Variants in HESX1 observed in about 807,000 individuals in gnomAD.
HESX1 encodes HESX homeobox 1.
In HESX1, 11 loss-of-function variants were observed where a neutral mutation model predicts 22.5. The ratio of observed to expected loss-of-function variants is 0.49; its 90% CI spans 0.31 to 0.81. The LOEUF (loss-of-function observed/expected upper bound fraction) is 0.81, where lower values mean the gene tolerates loss of function less well. HESX1 is among the 30% of genes least tolerant of loss of function. HESX1 has a pLI of 0.05. For synonymous variants in HESX1, 74 were observed against 76.5 expected (o/e 0.97, Z 0.17); for missense variants, 201 against 212.6 (o/e 0.95, Z 0.34).
chr3:57,211,544 A>AAAAAAAAAAAAAAAAAC, intron 1 of HESX1, among the ~76,000 whole-genome samples: 2 of 146,134 alleles, frequency 1.4e-5, no homozygotes, highest in Non-Finnish European at 3.0e-5. Context: ...AAAAAAAAAA[A>AAAAAAAAAAAAAAAAAC]AAAAAAAGCC....
At chr3:57,219,763 CA>C (rs1424072015) in intron 1 of HESX1, among the ~76,000 whole-genome samples, 2 of 152,108 alleles carry the variant, frequency 1.3e-5, no homozygotes, top group Non-Finnish European at 2.9e-5. Flanking sequence ...GCATAGTTTC[CA>C]AAAATTTTCT....
intron 1 of HESX1, among the ~76,000 whole-genome samples, chr3:57,225,885 T>C (rs949105743): frequency 1.3e-5 from 2 of 149,560 alleles, no homozygotes; most frequent in Non-Finnish European, 3.0e-5. Context: ...TCTTTTCTTT[T>C]TTTTTTTTTT....
At chr3:57,216,760 T>C (rs1203763377) in intron 1 of HESX1, among the ~76,000 whole-genome samples, 2 of 152,238 alleles carry the variant, frequency 1.3e-5, no homozygotes, top group Admixed American at 1.3e-4. Context: ...ACTGGTGATA[T>C]TTAATTTTGA....
At chr3:57,213,228 A>G (rs2060566059) in intron 1 of HESX1, among the ~76,000 whole-genome samples, 1 of 152,202 alleles carries the variant, frequency 6.6e-6, no homozygotes, top group Non-Finnish European at 1.5e-5. Flanking sequence ...TCCTCTACAT[A>G]CATGTTAGCA....
At chr3:57,203,961 C>A (rs940243438), upstream of HESX1, among the ~76,000 whole-genome samples, 1 of 152,094 alleles carries the variant, frequency 6.6e-6, no homozygotes, top group Non-Finnish European at 1.5e-5. Context: ...GCCCAGCCCC[C>A]TCTTGTGCTT....
chr3:57,204,202 A>C (rs1356250158), upstream of HESX1, among the ~76,000 whole-genome samples: 2 of 152,046 alleles, frequency 1.3e-5, no homozygotes, highest in African/African-American at 4.8e-5. Context: ...ATGTTTTTTT[A>C]GAGATAGGAT....
chr3:57,221,183 T>C (rs1012633475), intron 1 of HESX1, among the ~76,000 whole-genome samples: 1 of 151,776 alleles, frequency 6.6e-6, no homozygotes, highest in Non-Finnish European at 1.5e-5. Context: ...AGACAAGGCC[T>C]TGCTCTGTCA....
At chr3:57,224,224 TCCA>T (rs2060630403) in intron 1 of HESX1, among the ~76,000 whole-genome samples, 1 of 152,178 alleles carries the variant, frequency 6.6e-6, no homozygotes, top group Non-Finnish European at 1.5e-5. Flanking sequence ...CCTCAGGTGA[TCCA>T]CCCGCCTCGG....
At chr3:57,204,171 C>T (rs561303105), upstream of HESX1, among the ~76,000 whole-genome samples, 7 of 152,156 alleles carry the variant, frequency 4.6e-5, no homozygotes, top group East Asian at 1.4e-3. Context: ...GAAGTTTTTT[C>T]TTTTCTTTTT....
chr3:57,198,807 T>C lies in HESX1; in HGVS notation c.303A>G (p.Arg101=), dbSNP rs1176438608. The C allele has an allele frequency of 2.5e-6, 4 of 1,614,060 alleles. No homozygotes were observed. Among genetic ancestry groups the C allele is most frequent in the East Asian group, 2.2e-5 (1 of 44,886 alleles). Residue 101 remains arginine, a synonymous_variant, in exon 2 of 4, where the codon AGA becomes AGG. Coordinates refer to ENST00000295934, the MANE Select transcript of HESX1 (RefSeq NM_003865.3). ...FSASERLSLK[R]ELSWYRGRRP... ...TTCGGCCTCTATACCAACTCAACTC[T>C]CTTTTCAAAGACAGTCTTTCTGAGG...
chr3:57,219,897 A>T (rs944317683), intron 1 of HESX1, among the ~76,000 whole-genome samples: 6 of 152,148 alleles, frequency 3.9e-5, no homozygotes. Flanking sequence ...TGGCATTTTC[A>T]TCATGAAATC....
intron 1 of HESX1, among the ~76,000 whole-genome samples, chr3:57,216,415 A>C (rs1488088631): frequency 6.6e-6 from 1 of 152,134 alleles, no homozygotes; most frequent in East Asian, 1.9e-4. Flanking sequence ...CAGCAGTTAG[A>C]GATCAGCCTG....
At chr3:57,200,566 G>A (rs776355129), upstream of HESX1, among the ~76,000 whole-genome samples, 10 of 152,224 alleles carry the variant, frequency 6.6e-5, no homozygotes, top group Non-Finnish European at 1.2e-4. Context: ...TTAACATGGA[G>A]TGTAATTGTC....
chr3:57,208,323 A>T (rs976275862), intron 1 of HESX1, among the ~76,000 whole-genome samples: 3 of 150,580 alleles, frequency 2.0e-5, no homozygotes, highest in Non-Finnish European at 3.0e-5. Flanking sequence ...AGAGTTTAAG[A>T]GGGAAGTATA....
Position 57,198,424 on chromosome 3 carries a change from A to G in HESX1, c.426T>C (p.Ala142=). The G allele has an allele frequency of 6.2e-7, 1 of 1,607,720 alleles. No homozygotes were observed. The highest frequency in any genetic ancestry group is 8.5e-7 in the Non-Finnish European group (1 of 1,174,528). ...TGTCTTCCTCTAGATTCAATTTTTG[A>G]GCTAAGTCTTCTCTAATATCGATAC... is the stretch of plus-strand genomic sequence containing the variant. ...YPGIDIREDL[A]QKLNLEEDRI... is the part of the protein sequence containing the mutation. Residue 142 remains alanine, a synonymous_variant, in exon 3 of 4, where the codon GCT becomes GCC. Transcript: ENST00000295934.
chr3:57,216,591 A>G (rs940959890), intron 1 of HESX1, among the ~76,000 whole-genome samples: 1 of 152,234 alleles, frequency 6.6e-6, no homozygotes, highest in African/African-American at 2.4e-5. Flanking sequence ...AGGCTAGGTG[A>G]GAGTGAGACT....
rs1241838600 is a variant in HESX1, at chr3:57,198,279, C to T, written c.476G>A (p.Arg159Gln). The T allele has an allele frequency of 5.0e-6, 8 of 1,612,648 alleles. No individual in the cohort carries two copies. Among genetic ancestry groups the T allele is most frequent in the African/African-American group, 1.3e-5 (1 of 74,756 alleles). ...ATGGGACCTTTTCAGTTTTGCACGC[C>T]GATTTTGAAACCAAATCTAAAGTTA... ...EDRIQIWFQNRRAKLKRSHRE... is the reference protein window; with the variant it reads ...EDRIQIWFQNQRAKLKRSHRE... The change falls in exon 4 of 4, where the codon CGG becomes CAG. Residue 159 changes from arginine to glutamine, a missense_variant. Arg to Gln is a conservative substitution (Grantham distance 43). Transcript: ENST00000295934.
intron 1 of HESX1, among the ~76,000 whole-genome samples, chr3:57,220,925 T>C (rs1278768557): frequency 6.6e-6 from 1 of 152,218 alleles, no homozygotes; most frequent in Non-Finnish European, 1.5e-5. Context: ...TGGCTTGCTC[T>C]TCTCCTGTCA....
intron 1 of HESX1, among the ~76,000 whole-genome samples, chr3:57,209,178 T>C (rs74932820): frequency 0.039 from 5,884 of 152,266 alleles, 389 homozygotes; most frequent in African/African-American, 0.13. Context: ...GAAATGTTGC[T>C]AGTGCAACTG....
Sources: allele counts gnomAD v4.1 joint callset (sites outside exome capture counted in the v4.1 genomes callset), GRCh38; gene constraint gnomAD v4.1.1; transcripts MANE v1.5; gene names NCBI Gene and HGNC (gene_info 2026-07-23, HGNC 2026-07-21).